Variants in HSPG2 observed in about 807,000 individuals in gnomAD.
HSPG2 encodes the protein heparan sulfate proteoglycan 2.
Under a neutral mutation model 526.6 loss-of-function variants are expected in HSPG2, and 278 were observed. The observed-to-expected ratio is 0.53, with a 90% confidence interval of 0.48 to 0.58. The LOEUF (loss-of-function observed/expected upper bound fraction) is 0.58. Among genes scored for constraint, HSPG2 ranks in the 20% least tolerant of loss-of-function variants. The probability of loss-of-function intolerance (pLI) is 0.00; values close to 1 mark genes in which losing one functional copy is unlikely to be tolerated. For synonymous variants in HSPG2, 2,465 were observed against 2,555.4 expected (o/e 0.96, Z 1.07); for missense variants, 5,354 against 6,099.5 (o/e 0.88, Z 4.07).
intron 91 of HSPG2, among the ~76,000 whole-genome samples, chr1:21,827,485 T>C (rs1028386325): frequency 2.6e-5 from 4 of 152,222 alleles, no homozygotes; most frequent in Non-Finnish European, 5.9e-5. Context: ...CCGTAAACAT[T>C]CAATCAGCAT....
At chr1:21,929,772 G>A (rs1018850282) in intron 1 of HSPG2, among the ~76,000 whole-genome samples, 2 of 152,004 alleles carry the variant, frequency 1.3e-5, no homozygotes, top group South Asian at 2.1e-4. Flanking sequence ...GAGGCATCCC[G>A]GACTCTTCTC....
At position 21,844,235 on chromosome 1, in the gene HSPG2, G is replaced by A. The variant is rs759605494; in HGVS notation, c.8529C>T (p.Thr2843=). The A allele has an allele frequency of 3.1e-6, 5 of 1,613,762 alleles. No homozygotes were observed. In the South Asian group the frequency reaches 5.5e-5, roughly 18 times the overall value. The change falls in exon 65 of 97, where the codon ACC becomes ACT. Residue 2843 remains threonine (T), a synonymous_variant. Coordinates refer to ENST00000374695, the MANE Select transcript of HSPG2 (RefSeq NM_005529.7). ...CGGGCACCACGCACTTCAGATCCAG[G>A]GTCTGCCCTTCTGCCACTCGGGAGG... ...PSSSRVAEGQ[T]LDLKCVVPGQ... is the part of the protein sequence containing the mutation.
chr1:21,924,138 CCCAGAGCCTGG>C (rs1644121044), intron 1 of HSPG2, among the ~76,000 whole-genome samples: 1 of 152,178 alleles, frequency 6.6e-6, no homozygotes, highest in African/African-American at 2.4e-5. Flanking sequence ...GCTTCCCTAG[CCCAGAGCCTGG>C]CACTTGGGAG....
chr1:21,867,286 A>G (rs1359523791), intron 33 of HSPG2, among the ~76,000 whole-genome samples: 2 of 151,716 alleles, frequency 1.3e-5, no homozygotes, highest in African/African-American at 4.8e-5. Flanking sequence ...GCATTTCGCT[A>G]TGTTGCTTAA....
At chr1:21,856,927 A>G in intron 44 of HSPG2, 88 bp downstream of exon 44, 5 of 1,384,484 alleles carry the variant, frequency 3.6e-6, no homozygotes, top group Non-Finnish European at 4.1e-6. Flanking sequence ...CTCAGAAATG[A>G]TCAGCAGAAT....
In HSPG2 at chr1:21,864,926, G is replaced by A. The variant is rs1225976421; in HGVS notation, c.4543C>T (p.Gln1515Ter). 2 of 1,607,966 alleles carry A rather than the reference G, an allele frequency of 1.2e-6. No individual in the cohort carries two copies. Among genetic ancestry groups the A allele is most frequent in the Non-Finnish European group, 1.7e-6 (2 of 1,178,660 alleles). Residue 1515 changes from glutamine to a stop codon, truncating the protein, a stop_gained, in exon 36 of 97, where the codon CAG becomes TAG. Transcript: ENST00000374695. LOFTEE classifies it high-confidence loss of function. The surrounding 1 kb of genome is among the most constrained non-coding windows in gnomAD (Gnocchi z 4.8). ...SISAVSLEVA[Q>*]PGPSNRPRAL... ...CGGGGTCTGTTTGAGGGCCCCGGCTGGGCGACCTCCAGGCTGACTGCGCTG... is the reference window on the plus strand; with the variant it reads ...CGGGGTCTGTTTGAGGGCCCCGGCTAGGCGACCTCCAGGCTGACTGCGCTG...
At chr1:21,889,713 G>C in intron 6 of HSPG2, 2 of 517,122 alleles carry the variant, frequency 3.9e-6, no homozygotes, top group Non-Finnish European at 7.1e-6. Flanking sequence ...TGGAAGTACA[G>C]GATAAATAAA....
intron 74 of HSPG2, 73 bp downstream of exon 74, chr1:21,838,752 G>GTC (rs1395882036): frequency 6.5e-7 from 1 of 1,528,914 alleles, no homozygotes; most frequent in Non-Finnish European, 8.9e-7. Flanking sequence ...TCCCACCCGA[G>GTC]TCTGCCTAGC....
chr1:21,828,491 A>T lies in HSPG2; in HGVS notation c.12238-65T>A. 1 of 1,544,040 alleles carries T rather than the reference A, an allele frequency of 6.5e-7. No homozygotes were observed. ...GAGGCAGAGACCCAGGTGTACCAGC[A>T]GGGAGAAGAATGCAGCAGAGGGGAG... On this transcript the variant is annotated intron_variant, in intron 88 of 96. Transcript: ENST00000374695. The surrounding 1 kb of genome is among the most constrained non-coding windows in gnomAD (Gnocchi z 6.0).
Position 21,854,746 on chromosome 1 carries a change from C to T in HSPG2, c.6153G>A (p.Pro2051=), listed in dbSNP as rs750847894. 3.0e-5 allele frequency: 49 copies of T among 1,613,556 alleles called. No homozygotes were observed. Among genetic ancestry groups the T allele is most frequent in the African/African-American group, 4.0e-5 (3 of 74,934 alleles). Residue 2051 remains proline, a synonymous_variant, in exon 49 of 97, where the codon CCG becomes CCA. Coordinates refer to ENST00000374695, the MANE Select transcript of HSPG2 (RefSeq NM_005529.7). The part of the protein sequence containing the change: ...VVLSASDASP[P]PVKIESSSPS... ...GCGATGAGGACTCAATCTTGACCGG[C>T]GGTGGGCTGGCATCTGAGGCTGGGG...
At chr1:21,843,514 T>C in intron 65 of HSPG2, 76 bp from the exon 66 acceptor site, 1 of 1,497,732 alleles carries the variant, frequency 6.7e-7, no homozygotes, top group South Asian at 1.2e-5. Flanking sequence ...ACCCACACCC[T>C]GGGACTGCCA....
chr1:21,877,600 T>C (rs1641182472), intron 21 of HSPG2: 1 of 153,440 alleles, frequency 6.5e-6, no homozygotes. Context: ...CAGGTTCAAG[T>C]GATTCTCCTG....
At chr1:21,925,956 A>G (rs1374341164) in intron 1 of HSPG2, among the ~76,000 whole-genome samples, 1 of 151,838 alleles carries the variant, frequency 6.6e-6, no homozygotes. Context: ...TAGCCTCCCA[A>G]GCAGCTGGCA....
In HSPG2 at chr1:21,833,327, A is replaced by G; in HGVS notation, c.11036T>C (p.Ile3679Thr). 6.2e-7 allele frequency: 1 copy of G among 1,614,046 alleles called. No individual in the cohort carries two copies. Among genetic ancestry groups the G allele is most frequent in the Non-Finnish European group, 8.5e-7 (1 of 1,179,986 alleles). Residue 3679 changes from isoleucine to threonine, a missense_variant, in exon 80 of 97, where the codon ATC (isoleucine) becomes ACC (threonine). Ile to Thr is a moderately conservative substitution (Grantham distance 89). Transcript: ENST00000374695. ...TPYSFLPLPT[I>T]KDAYRKFEIK... ...CTCGAACTTCCTGTAGGCATCCTTG[A>G]TGGTGGGCAGCGGTAGGAAGGAGTA...
intron 75 of HSPG2, among the ~76,000 whole-genome samples, chr1:21,835,872 T>C (rs1557685451): frequency 6.7e-6 from 1 of 149,972 alleles, no homozygotes; most frequent in Non-Finnish European, 1.5e-5. Context: ...TAATCCCAGA[T>C]ACTTGGGAGA....
chr1:21,842,006 C>T lies in HSPG2; in HGVS notation c.9189G>A (p.Leu3063=). ...CTGCCCACCAGCCTGGCTCACCCTC[C>T]AGCTCCTGGTTCCGGGTCTTCCACT... ...SLEWKTRNQE[L]EDNVHISPNG... is the part of the protein sequence containing the mutation. The change falls in exon 69 of 97, where the codon CTG becomes CTA. Residue 3063 remains leucine (L), a synonymous_variant. Transcript: ENST00000374695. The T allele has an allele frequency of 1.2e-6, 2 of 1,613,390 alleles. No homozygotes were observed. Among genetic ancestry groups the T allele is most frequent in the Admixed American group, 1.7e-5 (1 of 60,028 alleles).
chr1:21,862,125 A>C lies in HSPG2; in HGVS notation c.4741-10T>G. The C allele has an allele frequency of 6.2e-7, 1 of 1,611,494 alleles. No individual in the cohort carries two copies. On this transcript the variant is annotated splice_polypyrimidine_tract_variant and intron_variant, in intron 37 of 96. Transcript: ENST00000374695. Reference sequence around the variant, plus strand: ...CGTTGTGCTGGCATTGCTGCAGGGCACAAGGAGGGCAGGCACCAGCCATTA... The same window carrying C: ...CGTTGTGCTGGCATTGCTGCAGGGCCCAAGGAGGGCAGGCACCAGCCATTA...
rs547943869 is a variant in HSPG2, at chr1:21,887,971, C to T, written c.670G>A (p.Asp224Asn). 35 of 1,614,166 alleles carry T rather than the reference C, an allele frequency of 2.2e-5. 1 individual carries two copies. Among genetic ancestry groups the T allele is most frequent in the South Asian group, 1.2e-4 (11 of 91,074 alleles). The change falls in exon 7 of 97, where the codon GAC becomes AAC. Residue 224 changes from aspartate to asparagine, a missense_variant. Transcript: ENST00000374695. This position sits in a 1 kb window ranked among gnomAD's most constrained non-coding sequence, Gnocchi z 5.0. ...AGCTCATCAGACATGTCCCTGCAGT[C>T]GGGCCGCCGGTCACAGCGATACTCC... ...ALEYRCDRRP[D>N]CRDMSDELNC...
chr1:21,900,895 T>G (rs1643064644), intron 1 of HSPG2, among the ~76,000 whole-genome samples: 1 of 151,880 alleles, frequency 6.6e-6, no homozygotes, highest in South Asian at 2.1e-4. Context: ...AAAAAAAAGT[T>G]TATAGCAAGC....
Sources: allele counts gnomAD v4.1 joint callset (sites outside exome capture counted in the v4.1 genomes callset), GRCh38; gene constraint gnomAD v4.1.1; non-coding constraint Gnocchi (gnomAD v3.1); transcripts MANE v1.5; gene names NCBI Gene and HGNC (gene_info 2026-07-23, HGNC 2026-07-21).